The following MLLT10 variants were observed in gnomAD, a reference collection of about 807,000 sequenced individuals.
MLLT10 encodes the protein MLLT10 histone lysine methyltransferase DOT1L cofactor.
MLLT10 carries 30 observed loss-of-function variants against 129.1 expected under a neutral mutation model. The observed-to-expected ratio is 0.23, with a 90% confidence interval of 0.17 to 0.32. MLLT10 has a LOEUF of 0.32. Ranked by LOEUF, MLLT10 falls within the 10% of genes least tolerant of loss-of-function variation. The pLI is 1.00. For missense variants in MLLT10, 1,119 were observed against 1,268.3 expected (o/e 0.88, Z 1.79); for synonymous variants, 490 against 446.4 (o/e 1.10, Z -1.23).
intron 8 of MLLT10, among the ~76,000 whole-genome samples, chr10:21,624,427 T>G (rs1361792643): frequency 7.1e-6 from 1 of 141,238 alleles, no homozygotes; most frequent in African/African-American, 2.6e-5. Context: ...AGAGGAAAAA[T>G]AAAAAGGCCT....
chr10:21,613,860 C>T (rs530408705), intron 6 of MLLT10, among the ~76,000 whole-genome samples: 2 of 151,686 alleles, frequency 1.3e-5, no homozygotes, highest in Non-Finnish European at 2.9e-5. Flanking sequence ...GAGCTGAGAT[C>T]ATGCCACTGT....
intron 4 of MLLT10, among the ~76,000 whole-genome samples, chr10:21,589,324 GTT>G (rs201960289): frequency 1.4e-4 from 19 of 133,602 alleles, no homozygotes; most frequent in Middle Eastern, 4.2e-3. Flanking sequence ...CTATTCCAAA[GTT>G]TTTTTTTTTT....
intron 4 of MLLT10, among the ~76,000 whole-genome samples, chr10:21,593,971 T>G (rs1024777285): frequency 3.4e-5 from 5 of 148,462 alleles, no homozygotes; most frequent in Admixed American, 6.7e-5. Context: ...TGGAAATTAT[T>G]TGTAGCCAAG....
chr10:21,560,958 T>G (rs1217900854), intron 3 of MLLT10, among the ~76,000 whole-genome samples: 1 of 152,198 alleles, frequency 6.6e-6, no homozygotes, highest in Non-Finnish European at 1.5e-5. Flanking sequence ...CTTTATCTAC[T>G]TCTAGATCCT....
chr10:21,670,357 G>T (rs910043583), intron 9 of MLLT10, 92 bp from the exon 10 acceptor site: 4 of 1,236,070 alleles, frequency 3.2e-6, no homozygotes, highest in African/African-American at 1.5e-5. Flanking sequence ...TGTTTATTCT[G>T]CAAGTTCTTC....
At chr10:21,641,985 T>A (rs2048048256) in intron 8 of MLLT10, among the ~76,000 whole-genome samples, 1 of 152,202 alleles carries the variant, frequency 6.6e-6, no homozygotes, top group Admixed American at 6.5e-5. Context: ...GTTCTGAGGA[T>A]CATGGTCTAA....
At chr10:21,681,606 T>C (rs1487453886) in intron 12 of MLLT10, among the ~76,000 whole-genome samples, 1 of 152,230 alleles carries the variant, frequency 6.6e-6, no homozygotes, top group Admixed American at 6.5e-5. Flanking sequence ...TCTTTTAATA[T>C]GGTGCTTTTG....
Position 21,682,257 on chromosome 10 carries a change from G to A in MLLT10, c.1699G>A (p.Gly567Ser), listed in dbSNP as rs1260296208. 5 of 1,609,044 alleles carry A rather than the reference G, an allele frequency of 3.1e-6. No homozygotes were observed. The highest frequency in any genetic ancestry group is 4.2e-6 in the Non-Finnish European group (5 of 1,178,144). Reference sequence around the variant, plus strand: ...AGAGTTGCTGAATGCAATACACAACGGTAAGTTTTATTAGAATCTTCTCTA... The same window carrying A: ...AGAGTTGCTGAATGCAATACACAACAGTAAGTTTTATTAGAATCTTCTCTA... ...FSELLNAIHNGIYNSNDVAVS... is the reference protein window; with the variant it reads ...FSELLNAIHNSIYNSNDVAVS... The change falls in exon 13 of 23, where the codon GGT becomes AGT. Residue 567 changes from glycine to serine, a missense_variant and splice_region_variant. By Grantham distance (56) the Gly-to-Ser change is moderately conservative (BLOSUM62 0). Transcript: ENST00000307729.
intron 14 of MLLT10, among the ~76,000 whole-genome samples, chr10:21,716,690 G>A (rs2056586461): frequency 6.7e-6 from 1 of 148,864 alleles, no homozygotes; most frequent in Non-Finnish European, 1.5e-5. Context: ...GCCAGACTCT[G>A]TCTCCCCAAA....
chr10:21,721,995 A>T (rs1348553312), intron 14 of MLLT10, among the ~76,000 whole-genome samples: 1 of 151,994 alleles, frequency 6.6e-6, no homozygotes, highest in Non-Finnish European at 1.5e-5. Flanking sequence ...CCTCTTTAAG[A>T]TATTATATGA....
At chr10:21,650,838 A>AT (rs2048950825) in intron 8 of MLLT10, among the ~76,000 whole-genome samples, 2 of 151,966 alleles carry the variant, frequency 1.3e-5, no homozygotes, top group African/African-American at 4.8e-5. Flanking sequence ...CTTTATCTAA[A>AT]TTTTTTTGTT....
chr10:21,578,199 G>T (rs2040998570), intron 3 of MLLT10, among the ~76,000 whole-genome samples: 1 of 152,180 alleles, frequency 6.6e-6, no homozygotes, highest in African/African-American at 2.4e-5. Flanking sequence ...CTGGCCTGGT[G>T]TTGATTTTTA....
At chr10:21,534,577 G>A in intron 1 of MLLT10, 57 bp downstream of exon 1, 1 of 1,502,002 alleles carries the variant, frequency 6.7e-7, no homozygotes, top group Non-Finnish European at 9.0e-7. Flanking sequence ...GGCTCGGGGG[G>A]CTGTGTGGGG....
chr10:21,640,088 G>C (rs2047838370), intron 8 of MLLT10, among the ~76,000 whole-genome samples: 1 of 150,464 alleles, frequency 6.6e-6, no homozygotes, highest in Admixed American at 6.7e-5. Flanking sequence ...TGTTTTTTTA[G>C]TTACTTAAAA....
intron 11 of MLLT10, among the ~76,000 whole-genome samples, chr10:21,680,442 G>GTGATC (rs2052621489): frequency 6.6e-6 from 1 of 151,928 alleles, no homozygotes. Flanking sequence ...CTGACCTCAA[G>GTGATC]TGCCCGCCTT....
chr10:21,701,661 G>A (rs750259511), intron 13 of MLLT10, among the ~76,000 whole-genome samples: 2 of 151,924 alleles, frequency 1.3e-5, no homozygotes, highest in Non-Finnish European at 1.5e-5. Context: ...ATCTCTTCTC[G>A]CTGCAACCTC....
chr10:21,576,191 A>G (rs1372843700), intron 3 of MLLT10, among the ~76,000 whole-genome samples: 1 of 151,320 alleles, frequency 6.6e-6, no homozygotes, highest in Non-Finnish European at 1.5e-5. Context: ...TGGCATCCCA[A>G]AGTGCTGGGG....
At chr10:21,741,415 AAC>A (rs1833597095) in intron 22 of MLLT10, among the ~76,000 whole-genome samples, 1 of 149,502 alleles carries the variant, frequency 6.7e-6, no homozygotes, top group Non-Finnish European at 1.5e-5. Context: ...CATAATAGAG[AAC>A]ACAGTGCTGG....
intron 15 of MLLT10, among the ~76,000 whole-genome samples, chr10:21,726,981 C>A (rs1259717919): frequency 6.6e-6 from 1 of 152,098 alleles, no homozygotes; most frequent in Non-Finnish European, 1.5e-5. Context: ...GCATTTGTCT[C>A]TTGTACTGTC....
Sources: allele counts gnomAD v4.1 joint callset (sites outside exome capture counted in the v4.1 genomes callset), GRCh38; gene constraint gnomAD v4.1.1; transcripts MANE v1.5; gene names NCBI Gene and HGNC (gene_info 2026-07-23, HGNC 2026-07-21).